Variants in STAM observed in about 807,000 individuals in gnomAD.
STAM encodes signal transducing adapter molecule 1.
Under a neutral mutation model 63.4 loss-of-function variants are expected in STAM, and 16 were observed. The observed-to-expected ratio is 0.25, with a 90% CI of 0.17 to 0.38. The LOEUF (loss-of-function observed/expected upper bound fraction) is 0.38, where lower values mean the gene tolerates loss of function less well. STAM is among the 10% of genes least tolerant of loss of function. STAM has a pLI of 1.00. For missense variants in STAM, 636 were observed against 657.1 expected (o/e 0.97, Z 0.35); for synonymous variants, 238 against 223.9 (o/e 1.06, Z -0.56).
At chr10:17,680,722 C>T (rs1392424818) in intron 2 of STAM, among the ~76,000 whole-genome samples, 1 of 152,166 alleles carries the variant, frequency 6.6e-6, no homozygotes, top group African/African-American at 2.4e-5. Context: ...TTTGACTACT[C>T]TTAGTACCTC....
intron 1 of STAM, among the ~76,000 whole-genome samples, chr10:17,655,999 C>G (rs545718811): frequency 6.7e-6 from 1 of 150,340 alleles, no homozygotes; most frequent in African/African-American, 2.4e-5. Context: ...TGGTCTTTTT[C>G]TTTATCTTCC....
chr10:17,651,778 C>G (rs1429368268), intron 1 of STAM, among the ~76,000 whole-genome samples: 1 of 152,120 alleles, frequency 6.6e-6, no homozygotes, highest in African/African-American at 2.4e-5. Flanking sequence ...TTCTTTCAGA[C>G]TTACTTTTCC....
intron 2 of STAM, among the ~76,000 whole-genome samples, chr10:17,675,600 A>T (rs1355573928): frequency 6.6e-6 from 1 of 152,166 alleles, no homozygotes; most frequent in Admixed American, 6.5e-5. Context: ...TTTATGTCAC[A>T]GTTTTAACTT....
intron 2 of STAM, among the ~76,000 whole-genome samples, chr10:17,675,711 G>T (rs1834825793): frequency 6.6e-6 from 1 of 152,108 alleles, no homozygotes; most frequent in Admixed American, 6.5e-5. Context: ...TATTCCTAAA[G>T]CCTTGCATAA....
intron 1 of STAM, among the ~76,000 whole-genome samples, chr10:17,650,408 TCAAG>T (rs2131558170): frequency 6.6e-6 from 1 of 152,364 alleles, no homozygotes; most frequent in East Asian, 1.9e-4. Context: ...TTCAAATATC[TCAAG>T]TTCAGCATGT....
At chr10:17,678,516 A>AGT (rs1554824920) in intron 2 of STAM, among the ~76,000 whole-genome samples, 6 of 152,140 alleles carry the variant, frequency 3.9e-5, no homozygotes. Flanking sequence ...GGCCTCCCAA[A>AGT]GTGCTGGGAT....
At chr10:17,677,444 C>A (rs1396316148) in intron 2 of STAM, among the ~76,000 whole-genome samples, 1 of 151,904 alleles carries the variant, frequency 6.6e-6, no homozygotes, top group African/African-American at 2.4e-5. Context: ...TCAAATAATT[C>A]TTTATATCTG....
At chr10:17,651,014 A>G (rs1275709545) in intron 1 of STAM, among the ~76,000 whole-genome samples, 1 of 143,166 alleles carries the variant, frequency 7.0e-6, no homozygotes, top group African/African-American at 2.6e-5. Flanking sequence ...GCGGTGAGCC[A>G]AGATCACACC....
At chr10:17,708,737 A>T in intron 12 of STAM, 39 bp from the exon 13 acceptor site, 1 of 1,542,562 alleles carries the variant, frequency 6.5e-7, no homozygotes, top group Non-Finnish European at 8.8e-7. Flanking sequence ...GCTTATTAAA[A>T]TTTTAGAATT....
At position 17,657,890 on chromosome 10, in the gene STAM, C is replaced by T. The variant is rs138806191; in HGVS notation, c.41-2574C>T. 8.7e-3 allele frequency among the ~76,000 whole-genome samples: 1,288 copies of T among 148,146 alleles called. 21 individuals carry two copies. The highest frequency in any genetic ancestry group is 0.03 in the African/African-American group (1,208 of 40,240). ...TAGTTTAGCTTGGCTAGCAGCATAT[C>T]GGTTTTATTGATCTTTTAAAATAAC... On this transcript the variant is annotated intron_variant, in intron 1 of 13. Transcript: ENST00000377524.
chr10:17,665,952 C>G (rs1357081311), intron 2 of STAM, among the ~76,000 whole-genome samples: 1 of 152,072 alleles, frequency 6.6e-6, no homozygotes, highest in Non-Finnish European at 1.5e-5. Flanking sequence ...GAACAGCCTT[C>G]ATTTGTTTAG....
rs782273741 is a variant in STAM, at chr10:17,708,776, G to A, written c.1210G>A (p.Val404Met). 1.9e-6 allele frequency: 3 copies of A among 1,608,954 alleles called. No individual in the cohort carries two copies. The highest frequency in any genetic ancestry group is 2.2e-5 in the East Asian group (1 of 44,810). ...MQSSGVSGSQ[V>M]YAGPPPSGAY... ...TATGATTTCTCTTTAACCATCGCAG[G>A]TGTATGCAGGGCCTCCTCCAAGTGG... The change falls in exon 13 of 14, where the codon GTG (valine) becomes ATG (methionine). Residue 404 changes from valine (V) to methionine (M), a missense_variant and splice_region_variant. This residue lies in a region of STAM where 532 missense variants were observed against 536.9 expected (regional missense o/e 0.99). Coordinates refer to ENST00000377524, the MANE Select transcript of STAM (RefSeq NM_003473.4).
At position 17,705,580 on chromosome 10, in the gene STAM, T is replaced by C. The variant is rs1409239562; in HGVS notation, c.1056-8T>C. On this transcript the variant is annotated splice_polypyrimidine_tract_variant and splice_region_variant and intron_variant, in intron 11 of 13. Coordinates refer to ENST00000377524, the MANE Select transcript of STAM (RefSeq NM_003473.4). ...AGCTATGCTTCAAATTATTGTGTCA[T>C]GTTTCAGAAAACATTCAGAACTCTC... 1 of 1,609,198 alleles carries C rather than the reference T, an allele frequency of 6.2e-7. No individual in the cohort carries two copies. The highest frequency in any genetic ancestry group is 8.5e-7 in the Non-Finnish European group (1 of 1,178,354).
At position 17,704,418 on chromosome 10, in the gene STAM, T is replaced by C; in HGVS notation, c.913-13T>C. 6.2e-7 allele frequency: 1 copy of C among 1,611,392 alleles called. No homozygotes were observed. Among genetic ancestry groups the C allele is most frequent in the Non-Finnish European group, 8.5e-7 (1 of 1,177,968 alleles). On this transcript the variant is annotated splice_polypyrimidine_tract_variant and intron_variant, in intron 9 of 13. Coordinates refer to ENST00000377524, the MANE Select transcript of STAM (RefSeq NM_003473.4). Reference sequence around the variant, plus strand: ...GTTGGTAGCTTTTTATATTAACTACTTAATTCCTGTAGGATAAAATGGACC... The same window carrying C: ...GTTGGTAGCTTTTTATATTAACTACCTAATTCCTGTAGGATAAAATGGACC...
At chr10:17,713,460 C>T (rs182723794) in intron 13 of STAM, among the ~76,000 whole-genome samples, 34 of 152,274 alleles carry the variant, frequency 2.2e-4, no homozygotes, top group African/African-American at 7.9e-4. Flanking sequence ...GTTTTTTGGA[C>T]ATCAAACTTG....
chr10:17,650,810 A>G (rs1190528035), intron 1 of STAM, among the ~76,000 whole-genome samples: 1 of 152,184 alleles, frequency 6.6e-6, no homozygotes, highest in African/African-American at 2.4e-5. Flanking sequence ...TCACGCCTAT[A>G]ATCCCAGCAC....
chr10:17,698,009 T>G (rs1464949648), intron 8 of STAM, among the ~76,000 whole-genome samples: 1 of 152,162 alleles, frequency 6.6e-6, no homozygotes, highest in Non-Finnish European at 1.5e-5. Context: ...ACATACTACA[T>G]ATTTATAGAA....
At chr10:17,683,959 T>G (rs1554825784) in intron 2 of STAM, among the ~76,000 whole-genome samples, 1 of 152,240 alleles carries the variant, frequency 6.6e-6, no homozygotes, top group Non-Finnish European at 1.5e-5. Flanking sequence ...CTTATGTTGT[T>G]AGGCAGTATG....
At chr10:17,683,400 C>T (rs1835166316) in intron 2 of STAM, among the ~76,000 whole-genome samples, 1 of 152,068 alleles carries the variant, frequency 6.6e-6, no homozygotes, top group Admixed American at 6.5e-5. Context: ...GGACTCAAGC[C>T]ATCTGCCCAC....
Sources: gnomAD v4.1 joint callset for allele counts (sites outside exome capture counted in the v4.1 genomes callset) on GRCh38, gnomAD v4.1.1 for gene constraint, gnomAD v4.1.1 regional missense constraint, MANE v1.5 for transcripts, NCBI Gene and HGNC (gene_info 2026-07-23, HGNC 2026-07-21) for gene names.